The following ERBIN variants were observed in gnomAD, a reference collection of about 807,000 sequenced individuals.
ERBIN encodes the protein erbb2 interacting protein.
In ERBIN, 60 loss-of-function variants were observed where a neutral mutation model predicts 158.4. That is an observed-to-expected ratio of 0.38 (90% CI 0.31 to 0.47). ERBIN has a LOEUF of 0.47. Among genes scored for constraint, ERBIN ranks in the 20% least tolerant of loss-of-function variants. ERBIN has a pLI of 0.99. For missense variants in ERBIN, 1,610 were observed against 1,648.0 expected (o/e 0.98, Z 0.40); for synonymous variants, 594 against 557.2 (o/e 1.07, Z -0.93).
At chr5:65,954,286 G>A (rs1466559090) in intron 1 of ERBIN, among the ~76,000 whole-genome samples, 1 of 152,194 alleles carries the variant, frequency 6.6e-6, no homozygotes, top group African/African-American at 2.4e-5. Flanking sequence ...TGCAACTCCG[G>A]TTTCAGAGGT....
chr5:66,045,927 G>A (rs1303392535), intron 17 of ERBIN, among the ~76,000 whole-genome samples: 5 of 152,040 alleles, frequency 3.3e-5, no homozygotes, highest in East Asian at 1.9e-4. Context: ...TCCCTAAATC[G>A]TCTGTATATT....
At chr5:65,980,679 C>G (rs935590666) in intron 1 of ERBIN, among the ~76,000 whole-genome samples, 2 of 151,604 alleles carry the variant, frequency 1.3e-5, no homozygotes, top group Non-Finnish European at 2.9e-5. Flanking sequence ...CTATGACTAT[C>G]GTGACATCAG....
At chr5:66,022,668 A>G (rs1397232022) in intron 8 of ERBIN, among the ~76,000 whole-genome samples, 1 of 152,234 alleles carries the variant, frequency 6.6e-6, no homozygotes, top group African/African-American at 2.4e-5. Context: ...GGTCTGCCAC[A>G]ACACTTGGAT....
At chr5:65,929,657 T>C (rs37237) in intron 1 of ERBIN, among the ~76,000 whole-genome samples, 69,336 of 141,102 alleles carry the variant, frequency 0.49, 17,938 homozygotes, top group Non-Finnish European at 0.6. Context: ...TTTTTTTTTT[T>C]CGAGATGGAG....
At chr5:66,066,527 A>AAAAAT (rs1326632438) in intron 21 of ERBIN, among the ~76,000 whole-genome samples, 3 of 145,934 alleles carry the variant, frequency 2.1e-5, no homozygotes, top group African/African-American at 8.4e-5. Flanking sequence ...AAAAATAAAA[A>AAAAAT]AAAAAAAACA....
chr5:66,003,175 T>C (rs1187714358), intron 4 of ERBIN, among the ~76,000 whole-genome samples: 1 of 152,224 alleles, frequency 6.6e-6, no homozygotes, highest in Non-Finnish European at 1.5e-5. Flanking sequence ...TCATTGCCTT[T>C]GGAGTGCAGG....
intron 9 of ERBIN, among the ~76,000 whole-genome samples, chr5:66,023,879 G>A (rs145934191): frequency 0.011 from 1,689 of 151,810 alleles, 27 homozygotes; most frequent in African/African-American, 0.037. Context: ...GGATTTCACC[G>A]TGTTAGCCAG....
In ERBIN at chr5:66,003,005, A is replaced by G. The variant is rs531829342; in HGVS notation, c.307+8141A>G. On this transcript the variant is annotated intron_variant, in intron 4 of 25. Coordinates refer to ENST00000284037, the MANE Select transcript of ERBIN (RefSeq NM_001253697.2). Reference sequence around the variant, plus strand: ...ATGTAGACTGTTAACTGGAGTGTGCACTCATTTGTGCCCTACCATAGCGTA... The same window carrying G: ...ATGTAGACTGTTAACTGGAGTGTGCGCTCATTTGTGCCCTACCATAGCGTA... 6.6e-5 allele frequency among the ~76,000 whole-genome samples: 10 copies of G among 152,282 alleles called. No homozygotes were observed. The South Asian group carries it at 1.9e-3, about 28-fold the overall frequency.
At position 66,050,694 on chromosome 5, in the gene ERBIN, A is replaced by G. The variant is rs567078336; in HGVS notation, c.1904-89A>G. ...TTATTACCTCATATATAGAACCAGG[A>G]TGGTATAATTGCCATTTGTCATCAC... On this transcript the variant is annotated intron_variant, in intron 19 of 25. Coordinates refer to ENST00000284037, the MANE Select transcript of ERBIN (RefSeq NM_001253697.2). 27 of 749,874 alleles carry G rather than the reference A, an allele frequency of 3.6e-5. No individual in the cohort carries two copies. The East Asian group carries it at 7.1e-4, about 20-fold the overall frequency. 46.5% of individuals were successfully genotyped at this position (749,874 alleles called of 1,614,324 possible).
intron 7 of ERBIN, among the ~76,000 whole-genome samples, chr5:66,020,138 T>C (rs939124485): frequency 1.3e-5 from 2 of 152,064 alleles, no homozygotes; most frequent in Admixed American, 1.3e-4. Flanking sequence ...AAAGCAGTTT[T>C]ATAAAAATTG....
chr5:65,997,534 T>C (rs556907604), intron 4 of ERBIN, among the ~76,000 whole-genome samples: 2 of 152,300 alleles, frequency 1.3e-5, no homozygotes, highest in South Asian at 4.1e-4. Flanking sequence ...CCTTGAAATT[T>C]TTAGAATGAG....
intron 1 of ERBIN, among the ~76,000 whole-genome samples, chr5:65,977,089 G>A (rs1263774284): frequency 2.6e-5 from 4 of 151,776 alleles, no homozygotes; most frequent in Non-Finnish European, 5.9e-5. Context: ...CCCAGTAGGG[G>A]CGGCCGGGCA....
At chr5:66,075,345 A>G (rs907338152) in intron 23 of ERBIN, 115 bp downstream of exon 23, 2 of 877,280 alleles carry the variant, frequency 2.3e-6, no homozygotes, top group Non-Finnish European at 3.5e-6. Context: ...TACCATTTAA[A>G]GTTTTATTTT....
intron 7 of ERBIN, among the ~76,000 whole-genome samples, chr5:66,020,053 G>A (rs1373930294): frequency 6.6e-6 from 1 of 152,034 alleles, no homozygotes; most frequent in Non-Finnish European, 1.5e-5. Context: ...AGAACTTAAA[G>A]GTTTTCTGGG....
At chr5:65,986,049 T>C (rs958548727) in intron 1 of ERBIN, among the ~76,000 whole-genome samples, 1 of 152,186 alleles carries the variant, frequency 6.6e-6, no homozygotes, top group African/African-American at 2.4e-5. Context: ...TCTATAATGT[T>C]TTGGGGCTCA....
At chr5:65,945,975 T>C (rs1745692967) in intron 1 of ERBIN, among the ~76,000 whole-genome samples, 1 of 152,154 alleles carries the variant, frequency 6.6e-6, no homozygotes, top group South Asian at 2.1e-4. Context: ...GGATCACCTG[T>C]TTTTTATTTT....
At chr5:66,074,310 C>A (rs1008839607) in intron 22 of ERBIN, among the ~76,000 whole-genome samples, 6 of 151,952 alleles carry the variant, frequency 3.9e-5, no homozygotes, top group African/African-American at 1.5e-4. Flanking sequence ...AAAGATAGTT[C>A]TCTAACAACA....
intron 14 of ERBIN, among the ~76,000 whole-genome samples, chr5:66,030,834 G>A (rs948691893): frequency 2.6e-5 from 4 of 151,958 alleles, no homozygotes; most frequent in Non-Finnish European, 4.4e-5. Flanking sequence ...GCCTCCCACA[G>A]TGCCGGGACT....
chr5:65,949,264 C>G (rs1746206218), intron 1 of ERBIN, among the ~76,000 whole-genome samples: 1 of 151,846 alleles, frequency 6.6e-6, no homozygotes, highest in Non-Finnish European at 1.5e-5. Flanking sequence ...CTTTGAAGAC[C>G]CCTGAAAATA....
Sources: gnomAD v4.1 joint callset for allele counts (sites outside exome capture counted in the v4.1 genomes callset) on GRCh38, gnomAD v4.1.1 for gene constraint, MANE v1.5 for transcripts, NCBI Gene and HGNC (gene_info 2026-07-23, HGNC 2026-07-21) for gene names.